STK32B: variants seen among roughly 807,000 people sequenced by gnomAD.
STK32B encodes serine/threonine kinase 32B.
STK32B carries 43 observed loss-of-function variants against 52.6 expected under a neutral mutation model. That is an observed-to-expected ratio of 0.82 (90% CI 0.64 to 1.05). The LOEUF (loss-of-function observed/expected upper bound fraction) is 1.05, where lower values mean the gene tolerates loss of function less well. Among genes scored for constraint, STK32B ranks in the 50% least tolerant of loss-of-function variants. The pLI, the probability that STK32B is intolerant of heterozygous loss-of-function variation, is 0.00. For synonymous variants in STK32B, 238 were observed against 204.3 expected (o/e 1.17, Z -1.41); for missense variants, 621 against 534.6 (o/e 1.16, Z -1.59).
rs1731078844 is a variant in STK32B, at chr4:5,317,240, T to TATATTATATATAACATATAA, written c.261-13979_261-13960dup. 1.2e-4 allele frequency among the ~76,000 whole-genome samples: 5 copies of TATATTATATATAACATATAA among 41,154 alleles called. No individual in the cohort carries two copies. In the Admixed American group the frequency reaches 1.6e-3, roughly 13 times the overall value. The allele number at this position is 41,154 out of a possible 152,430, so 27.0% of individuals were successfully genotyped here. On this transcript the variant is annotated intron_variant, in intron 3 of 11. Transcript: ENST00000282908. Reference sequence around the variant, plus strand: ...ATATATATATTATATATAACATATATATATTATATATAACATATAACATAT... The same window carrying TATATTATATATAACATATAA: ...ATATATATATTATATATAACATATATATATTATATATAACATATAAATATTATATATAACATATAACATAT...
At chr4:5,031,926 C>A in the STK32B span, among the ~76,000 whole-genome samples, 6 of 152,150 alleles carry the variant, frequency 3.9e-5, no homozygotes, top group Non-Finnish European at 8.8e-5. Context: ...GTCTATAGAG[C>A]ACTTAGAAAA....
chr4:5,447,691 A>G (rs1339355478), intron 7 of STK32B, among the ~76,000 whole-genome samples: 1 of 152,206 alleles, frequency 6.6e-6, no homozygotes, highest in Admixed American at 6.5e-5. Context: ...TCTTTGCACA[A>G]GTATCATTTG....
chr4:5,387,970 C>T (rs1337309712), intron 4 of STK32B, among the ~76,000 whole-genome samples: 2 of 152,168 alleles, frequency 1.3e-5, no homozygotes, highest in Non-Finnish European at 2.9e-5. Flanking sequence ...TCTCAAACTC[C>T]TGACCTCAGG....
intron 3 of STK32B, among the ~76,000 whole-genome samples, chr4:5,311,087 T>C (rs993479222): frequency 1.2e-4 from 19 of 152,284 alleles, no homozygotes; most frequent in Non-Finnish European, 2.5e-4. Context: ...AAAGCTTTGT[T>C]AACAGATACA....
the STK32B span, among the ~76,000 whole-genome samples, chr4:5,041,877 TTACTC>T: frequency 6.6e-6 from 1 of 152,030 alleles, no homozygotes; most frequent in African/African-American, 2.4e-5. Context: ...CAGACGGTAT[TTACTC>T]TAAGCAAACC....
In STK32B at chr4:5,054,629, G is replaced by A. The variant is rs115159413; in HGVS notation, c.52+2714G>A. Reference sequence around the variant, plus strand: ...AAGGGCCCAGTGGCCGTGGTCAGGTGTTTGGACTTGATCTTATAGGCATTT... The same window carrying A: ...AAGGGCCCAGTGGCCGTGGTCAGGTATTTGGACTTGATCTTATAGGCATTT... On this transcript the variant is annotated intron_variant, in intron 1 of 11. Transcript: ENST00000282908. 7.0e-3 allele frequency among the ~76,000 whole-genome samples: 1,070 copies of A among 152,284 alleles called. 5 individuals carry two copies. The highest frequency in any genetic ancestry group is 0.011 in the Non-Finnish European group (740 of 68,016).
At chr4:5,246,752 G>A (rs566012423) in intron 3 of STK32B, among the ~76,000 whole-genome samples, 6 of 152,182 alleles carry the variant, frequency 3.9e-5, no homozygotes, top group African/African-American at 1.2e-4. Flanking sequence ...CGGGTTTTTG[G>A]TGTGGATGTC....
At chr4:5,067,673 G>A (rs1742475735) in intron 1 of STK32B, among the ~76,000 whole-genome samples, 3 of 152,066 alleles carry the variant, frequency 2.0e-5, no homozygotes, top group Admixed American at 2.0e-4. Context: ...GTACAAGTGT[G>A]TATTAGTCCA....
intron 3 of STK32B, among the ~76,000 whole-genome samples, chr4:5,316,906 A>T (rs866751252): frequency 1.8e-3 from 43 of 23,746 alleles, no homozygotes; most frequent in South Asian, 2.9e-3. Flanking sequence ...TATAATATAT[A>T]ATATATATGA....
At chr4:5,036,982 A>G in the STK32B span, among the ~76,000 whole-genome samples, 1 of 152,156 alleles carries the variant, frequency 6.6e-6, no homozygotes, top group East Asian at 1.9e-4. Context: ...GGAATTTAAA[A>G]TTGCACACAA....
intron 3 of STK32B, among the ~76,000 whole-genome samples, chr4:5,255,968 A>T (rs552086883): frequency 6.6e-6 from 1 of 152,324 alleles, no homozygotes; most frequent in South Asian, 2.1e-4. Flanking sequence ...TGACACACAC[A>T]GAGCCCGTAG....
chr4:5,199,248 G>A (rs1721935364), intron 3 of STK32B, among the ~76,000 whole-genome samples: 1 of 152,176 alleles, frequency 6.6e-6, no homozygotes, highest in Admixed American at 6.5e-5. Context: ...AGCAAGCCAA[G>A]CAAGGCAGGC....
At chr4:5,397,847 G>C (rs760302259) in intron 4 of STK32B, among the ~76,000 whole-genome samples, 33 of 152,208 alleles carry the variant, frequency 2.2e-4, no homozygotes, top group Non-Finnish European at 4.6e-4. Context: ...GGGAACCCTG[G>C]TGGGATGGCT....
At chr4:5,262,166 G>A (rs1726752340) in intron 3 of STK32B, among the ~76,000 whole-genome samples, 1 of 152,084 alleles carries the variant, frequency 6.6e-6, no homozygotes, top group South Asian at 2.1e-4. Flanking sequence ...GGACTCTCTT[G>A]GAGCCAAAAT....
chr4:5,493,311 G>C (rs1210263042), intron 11 of STK32B, among the ~76,000 whole-genome samples: 1 of 152,014 alleles, frequency 6.6e-6, no homozygotes, highest in Non-Finnish European at 1.5e-5. Context: ...GTCTTGGGAG[G>C]GTGTATGTGT....
intron 3 of STK32B, among the ~76,000 whole-genome samples, chr4:5,328,093 C>T (rs952896646): frequency 2.6e-5 from 4 of 152,192 alleles, no homozygotes; most frequent in Non-Finnish European, 5.9e-5. Flanking sequence ...TCACCTCTCT[C>T]AGCATTCATA....
intron 3 of STK32B, among the ~76,000 whole-genome samples, chr4:5,325,115 T>C (rs1731787948): frequency 6.6e-6 from 1 of 152,214 alleles, no homozygotes; most frequent in Admixed American, 6.5e-5. Context: ...CCATGTGGCA[T>C]TGCTTCTATG....
chr4:5,352,528 C>T (rs1456087963), intron 4 of STK32B, among the ~76,000 whole-genome samples: 1 of 151,302 alleles, frequency 6.6e-6, no homozygotes, highest in African/African-American at 2.4e-5. Flanking sequence ...CCCCTAGGAA[C>T]TGGAATCAGA....
intron 3 of STK32B, among the ~76,000 whole-genome samples, chr4:5,313,599 A>G (rs1730461289): frequency 1.6e-5 from 2 of 121,870 alleles, no homozygotes; most frequent in Non-Finnish European, 3.1e-5. Flanking sequence ...TATTTACATT[A>G]AAAAACAAAG....
Sources: allele counts gnomAD v4.1 joint callset (sites outside exome capture counted in the v4.1 genomes callset), GRCh38; gene constraint gnomAD v4.1.1; transcripts MANE v1.5; gene names NCBI Gene and HGNC (gene_info 2026-07-23, HGNC 2026-07-21).